Variants in ENDOV observed in about 807,000 individuals in gnomAD.
ENDOV encodes the protein hEndoV.
Under a neutral mutation model 39.4 loss-of-function variants are expected in ENDOV, and 37 were observed. That is an observed-to-expected ratio of 0.94 (90% confidence interval 0.72 to 1.23). The LOEUF is 1.23. Among genes scored for constraint, ENDOV ranks in the 50% most tolerant of loss-of-function variants. The pLI is 0.00. For synonymous variants in ENDOV, 186 were observed against 163.4 expected (o/e 1.14, Z -1.05); for missense variants, 441 against 375.7 (o/e 1.17, Z -1.44).
At position 80,436,377 on chromosome 17, in the gene ENDOV, T is replaced by C; in HGVS notation, c.*234T>C. On this transcript the variant is annotated 3_prime_UTR_variant, in exon 10 of 10. Transcript: ENST00000518137. The stretch of plus-strand genomic sequence containing the variant: ...TGATCTTAAGGGAACGTTTGCAGTC[T>C]TTCACCACTAGATGTGATGTGAGCT... 1.4e-6 allele frequency: 2 copies of C among 1,461,408 alleles called. No homozygotes were observed. Among genetic ancestry groups the C allele is most frequent in the African/African-American group, 2.8e-5 (2 of 71,992 alleles). 90.5% of individuals were successfully genotyped at this position (1,461,408 alleles called of 1,614,324 possible). A position where few individuals can be genotyped will look rare whatever the true frequency, so the allele number is the denominator to read the frequency against.
intron 2 of ENDOV, chr17:80,420,112 T>C (rs1393087355): frequency 1.1e-5 from 2 of 189,084 alleles, no homozygotes; most frequent in African/African-American, 2.3e-5. Context: ...TGTGCGTGTG[T>C]ACCGTACATC....
rs1446038078 is a variant in ENDOV, at chr17:80,425,475, C to T, written c.586-17C>T. The T allele has an allele frequency of 1.1e-5, 17 of 1,588,798 alleles. No homozygotes were observed. The highest frequency in any genetic ancestry group is 2.7e-5 in the African/African-American group (2 of 74,604). On this transcript the variant is annotated splice_polypyrimidine_tract_variant and intron_variant, in intron 6 of 9. Coordinates refer to ENST00000518137, the MANE Select transcript of ENDOV (RefSeq NM_173627.5). ...GTGGCCCAGCCCACAGGACAGCCCTCGCCTTCCTTGTCACAGGCCCTGAGG... is the reference window on the plus strand; with the variant it reads ...GTGGCCCAGCCCACAGGACAGCCCTTGCCTTCCTTGTCACAGGCCCTGAGG...
At chr17:80,422,052 A>G (rs2082110989) in intron 3 of ENDOV, 90 bp downstream of exon 3, 5 of 1,563,842 alleles carry the variant, frequency 3.2e-6, no homozygotes, top group Non-Finnish European at 4.3e-6. Context: ...CCACAGTGGC[A>G]GGGAGAGACT....
intron 9 of ENDOV, among the ~76,000 whole-genome samples, chr17:80,435,204 G>C (rs2083530818): frequency 6.6e-6 from 1 of 152,068 alleles, no homozygotes; most frequent in East Asian, 1.9e-4. Flanking sequence ...TCTTGTTAGT[G>C]TCCTTTGATG....
At chr17:80,415,321 C>T (rs191507085) in intron 1 of ENDOV, 71 bp downstream of exon 1, 77 of 1,554,252 alleles carry the variant, frequency 5.0e-5, no homozygotes, top group Non-Finnish European at 6.3e-5. Context: ...CCTCCGAGCT[C>T]ATAGTCTTCA....
At chr17:80,417,919 G>C (rs192173220) in intron 2 of ENDOV, 5 of 152,220 alleles carry the variant, frequency 3.3e-5, no homozygotes, top group African/African-American at 4.8e-5. Context: ...GGCGTCACTC[G>C]CATTGCTCCT....
At chr17:80,435,822 T>C (rs1268023704) in intron 9 of ENDOV, among the ~76,000 whole-genome samples, 2 of 151,878 alleles carry the variant, frequency 1.3e-5, no homozygotes, top group African/African-American at 2.4e-5. Flanking sequence ...TTCACCGTGT[T>C]AGCCAGGATG....
At chr17:80,433,294 G>T in intron 9 of ENDOV, 1 of 499,932 alleles carries the variant, frequency 2.0e-6, no homozygotes, top group Non-Finnish European at 4.0e-6. Context: ...GTGTGTAAGG[G>T]CTCAGCAGGG....
intron 9 of ENDOV, among the ~76,000 whole-genome samples, chr17:80,430,933 A>AGGGGATGGCCCACCTGC (rs1288798767): frequency 6.6e-6 from 1 of 152,046 alleles, no homozygotes; most frequent in Non-Finnish European, 1.5e-5. Flanking sequence ...GTGGGGGCAA[A>AGGGGATGGCCCACCTGC]GGGGATGGCC....
At chr17:80,431,397 ACT>A (rs1282730117) in intron 9 of ENDOV, among the ~76,000 whole-genome samples, 1 of 151,996 alleles carries the variant, frequency 6.6e-6, no homozygotes, top group Non-Finnish European at 1.5e-5. Flanking sequence ...GATGGAGCAG[ACT>A]CTATTCTAGA....
rs190426506 is a variant in ENDOV at position 80,421,197 on chromosome 17, A to G, written c.229-631A>G. 1.2e-3 allele frequency among the ~76,000 whole-genome samples: 183 copies of G among 148,748 alleles called. 2 individuals carry two copies. The highest frequency in any genetic ancestry group is 3.5e-3 in the African/African-American group (140 of 40,436). On this transcript the variant is annotated intron_variant, in intron 2 of 9. Coordinates refer to ENST00000518137, the MANE Select transcript of ENDOV (RefSeq NM_173627.5). Reference sequence around the variant, plus strand: ...GGACCAGGTCCCGGAGGCTCCTCCTATGGACTAGATTCCAGGGAATCCTTC... The same window carrying G: ...GGACCAGGTCCCGGAGGCTCCTCCTGTGGACTAGATTCCAGGGAATCCTTC...
chr17:80,430,203 G>C, intron 9 of ENDOV: 1 of 1,473,216 alleles, frequency 6.8e-7, no homozygotes, highest in Non-Finnish European at 9.0e-7. Flanking sequence ...ATCTCTATGG[G>C]GGCAAGTGCC....
intron 4 of ENDOV, 138 bp downstream of exon 4, chr17:80,422,383 C>T (rs1008302716): frequency 9.6e-7 from 1 of 1,045,182 alleles, no homozygotes; most frequent in Non-Finnish European, 1.4e-6. Context: ...TTTCTCGGCG[C>T]AACGGGGACG....
chr17:80,429,790 G>A lies in ENDOV; in HGVS notation c.797G>A (p.Arg266Lys). The change falls in exon 9 of 10, where the codon AGG becomes AAG. Residue 266 changes from arginine (R) to lysine (K), a missense_variant. Transcript: ENST00000518137. ...ATCACCAGGAGCCCGAAGGCGCAGAGGCCAGTGGCATGCCCCAAAGGAGAC... is the reference window on the plus strand; with the variant it reads ...ATCACCAGGAGCCCGAAGGCGCAGAAGCCAGTGGCATGCCCCAAAGGAGAC... ...PPTPRSPKAQ[R>K]PVACPKGDSG... The A allele has an allele frequency of 6.2e-7, 1 of 1,609,200 alleles. No individual in the cohort carries two copies. Among genetic ancestry groups the A allele is most frequent in the Non-Finnish European group, 8.5e-7 (1 of 1,178,666 alleles).
rs2083185044 is a variant in ENDOV at position 80,429,838 on chromosome 17, G to A, written c.838+7G>A. ...GACTCCGGAGAGTCCTCAGGTGAGG[G>A]CCAGCCCCCACAGGACCACAGCCCA... On this transcript the variant is annotated splice_region_variant and intron_variant, in intron 9 of 9. Coordinates refer to ENST00000518137, the MANE Select transcript of ENDOV (RefSeq NM_173627.5). 6.2e-7 allele frequency: 1 copy of A among 1,612,738 alleles called. No individual in the cohort carries two copies. Among genetic ancestry groups the A allele is most frequent in the Non-Finnish European group, 8.5e-7 (1 of 1,179,814 alleles).
In ENDOV at chr17:80,422,147, C is replaced by T. The variant is rs763020451; in HGVS notation, c.364-59C>T. 20 of 1,607,996 alleles carry T rather than the reference C, an allele frequency of 1.2e-5. No homozygotes were observed. The African/African-American group carries it at 2.7e-4, about 21-fold the overall frequency. ...GCCCCCTTCTTGCCTCAGGGATGGC[C>T]CTGTCCTGAGGGCCGAGGGGCAGCT... On this transcript the variant is annotated intron_variant, in intron 3 of 9. Transcript: ENST00000518137.
intron 3 of ENDOV, 76 bp downstream of exon 3, chr17:80,422,038 A>T: frequency 6.3e-7 from 1 of 1,578,808 alleles, no homozygotes; most frequent in Admixed American, 1.8e-5. Context: ...GCAGGTCGCC[A>T]CCACCACAGT....
chr17:80,419,079 A>G (rs1229141648), intron 2 of ENDOV, among the ~76,000 whole-genome samples: 1 of 151,124 alleles, frequency 6.6e-6, no homozygotes, highest in Non-Finnish European at 1.5e-5. Flanking sequence ...AGGCTGAGGC[A>G]GGAGAATGGC....
At chr17:80,421,096 C>G (rs1204764597) in intron 2 of ENDOV, among the ~76,000 whole-genome samples, 1 of 152,232 alleles carries the variant, frequency 6.6e-6, no homozygotes, top group Non-Finnish European at 1.5e-5. Context: ...ATGCAGCCAG[C>G]AGCCTTAGCC....
Sources: gnomAD v4.1 joint callset for allele counts (sites outside exome capture counted in the v4.1 genomes callset) on GRCh38, gnomAD v4.1.1 for gene constraint, MANE v1.5 for transcripts, NCBI Gene and HGNC (gene_info 2026-07-23, HGNC 2026-07-21) for gene names.